The following PTPRM variants were observed in gnomAD, a reference collection of about 807,000 sequenced individuals.
The protein encoded by PTPRM is receptor-type tyrosine-protein phosphatase mu.
In PTPRM, 47 loss-of-function variants were observed where a neutral mutation model predicts 186.7. The ratio of observed to expected loss-of-function variants is 0.25; its 90% CI spans 0.20 to 0.32. PTPRM has a LOEUF of 0.32. PTPRM is among the 10% of genes least tolerant of loss of function. PTPRM has a pLI of 1.00. For missense variants in PTPRM, 1,494 were observed against 1,865.0 expected (o/e 0.80, Z 3.66); for synonymous variants, 668 against 674.9 (o/e 0.99, Z 0.16).
Position 8,079,480 on chromosome 18 carries a change from A to G in PTPRM, c.1551+2916A>G, listed in dbSNP as rs374802641. Among the ~76,000 whole-genome samples, 3 of 152,222 alleles carry G rather than the reference A, an allele frequency of 2.0e-5. No individual in the cohort carries two copies. In the East Asian group the frequency reaches 5.8e-4, roughly 29 times the overall value. ...TTACTTTTCAAATGTAACTACTATT[A>G]ACAGCTAGATACACATCCTTCTAAA... On this transcript the variant is annotated intron_variant, in intron 9 of 32. Transcript: ENST00000580170.
At chr18:8,235,449 G>C (rs1295959622) in intron 14 of PTPRM, among the ~76,000 whole-genome samples, 1 of 124,862 alleles carries the variant, frequency 8.0e-6, no homozygotes, top group Non-Finnish European at 1.6e-5. Context: ...TGAGTAATCT[G>C]TGTCTTCTTT....
At chr18:7,984,939 AT>A (rs2082801243) in intron 7 of PTPRM, among the ~76,000 whole-genome samples, 1 of 45,472 alleles carries the variant, frequency 2.2e-5, no homozygotes, top group Non-Finnish European at 4.9e-5. Flanking sequence ...AAATATATAC[AT>A]ATATATACAT....
At chr18:8,293,619 G>C (rs571095703) in intron 19 of PTPRM, among the ~76,000 whole-genome samples, 2 of 152,272 alleles carry the variant, frequency 1.3e-5, no homozygotes, top group Non-Finnish European at 2.9e-5. Flanking sequence ...ACTCAAAGTG[G>C]AATTAAATTT....
At chr18:8,344,692 T>G (rs1213340623) in intron 23 of PTPRM, among the ~76,000 whole-genome samples, 2 of 151,710 alleles carry the variant, frequency 1.3e-5, no homozygotes, top group Non-Finnish European at 2.9e-5. Context: ...AGCGCTTGCA[T>G]GCACCCTTAG....
intron 1 of PTPRM, among the ~76,000 whole-genome samples, chr18:7,579,243 G>T (rs1004652327): frequency 5.9e-5 from 9 of 152,192 alleles, no homozygotes; most frequent in African/African-American, 2.2e-4. Context: ...ACAGTCACCT[G>T]AAGCACTTGT....
intron 7 of PTPRM, among the ~76,000 whole-genome samples, chr18:8,032,160 T>C (rs1182881759): frequency 6.6e-6 from 1 of 152,204 alleles, no homozygotes; most frequent in Admixed American, 6.5e-5. Flanking sequence ...AAGTAACATA[T>C]GTAAAAACCA....
intron 7 of PTPRM, among the ~76,000 whole-genome samples, chr18:8,024,105 A>G (rs1488489830): frequency 6.6e-6 from 1 of 152,014 alleles, no homozygotes; most frequent in Non-Finnish European, 1.5e-5. Context: ...AGGAAATCTC[A>G]CATTGGTCTG....
At chr18:7,794,551 C>T (rs1186852291) in intron 2 of PTPRM, among the ~76,000 whole-genome samples, 1 of 152,130 alleles carries the variant, frequency 6.6e-6, no homozygotes, top group Non-Finnish European at 1.5e-5. Context: ...ATTAGACTTT[C>T]CACATTATCT....
chr18:7,867,858 A>G (rs2047790226), intron 2 of PTPRM, among the ~76,000 whole-genome samples: 1 of 151,956 alleles, frequency 6.6e-6, no homozygotes, highest in Non-Finnish European at 1.5e-5. Context: ...TCTTCTTTTC[A>G]CATAGTCCTA....
At chr18:7,578,570 C>T (rs999586979) in intron 1 of PTPRM, among the ~76,000 whole-genome samples, 2 of 151,762 alleles carry the variant, frequency 1.3e-5, no homozygotes, top group African/African-American at 2.4e-5. Flanking sequence ...CTCCTGACCT[C>T]GTGATCCGCC....
rs1168751760 is a variant in PTPRM, at chr18:7,869,953, T to A, written c.197-18153T>A. Among the ~76,000 whole-genome samples, 14 of 152,310 alleles carry A rather than the reference T, an allele frequency of 9.2e-5. No individual in the cohort carries two copies. The East Asian group carries it at 2.7e-3, about 29-fold the overall frequency. ...CCCTTAGGCTAGAGATTGGGCCATA[T>A]GCAAGTTAATCTTTGTAATCTTATG... is the stretch of plus-strand genomic sequence containing the variant. On this transcript the variant is annotated intron_variant, in intron 2 of 32. Coordinates refer to ENST00000580170, the MANE Select transcript of PTPRM (RefSeq NM_001105244.2).
At chr18:7,954,150 A>T (rs1397014528) in intron 6 of PTPRM, among the ~76,000 whole-genome samples, 1 of 152,232 alleles carries the variant, frequency 6.6e-6, no homozygotes, top group Non-Finnish European at 1.5e-5. Flanking sequence ...CGGGCATCTA[A>T]CTAATATACT....
intron 1 of PTPRM, among the ~76,000 whole-genome samples, chr18:7,661,691 G>A (rs1440243203): frequency 6.6e-6 from 1 of 152,178 alleles, no homozygotes; most frequent in Non-Finnish European, 1.5e-5. Flanking sequence ...CTACAAACAT[G>A]CAACTCCTGC....
At chr18:8,105,021 AC>A (rs1210031578) in intron 11 of PTPRM, among the ~76,000 whole-genome samples, 3 of 152,188 alleles carry the variant, frequency 2.0e-5, no homozygotes, top group Non-Finnish European at 2.9e-5. Flanking sequence ...GGCTAAATGC[AC>A]TTTTGTCACA....
chr18:7,841,564 G>A (rs9946064), intron 2 of PTPRM, among the ~76,000 whole-genome samples: 8,225 of 152,088 alleles, frequency 0.054, 516 homozygotes, highest in African/African-American at 0.15. Context: ...AAAGTGCTGG[G>A]ATTACAGGCG....
chr18:7,961,041 C>A (rs546144099), intron 7 of PTPRM, among the ~76,000 whole-genome samples: 1 of 152,058 alleles, frequency 6.6e-6, no homozygotes, highest in South Asian at 2.1e-4. Context: ...ATGAGGTACA[C>A]GAAATATTTT....
intron 3 of PTPRM, among the ~76,000 whole-genome samples, chr18:7,898,123 C>G (rs944746581): frequency 3.9e-5 from 6 of 152,132 alleles, no homozygotes; most frequent in African/African-American, 1.4e-4. Flanking sequence ...TGCCTGGACT[C>G]TTTAATATTA....
intron 2 of PTPRM, among the ~76,000 whole-genome samples, chr18:7,829,802 G>T (rs1396478116): frequency 1.2e-4 from 18 of 152,232 alleles, no homozygotes; most frequent in Non-Finnish European, 1.8e-4. Flanking sequence ...GAGTCCTCCT[G>T]TGTTGGGAAT....
At chr18:7,615,351 A>C (rs962253681) in intron 1 of PTPRM, among the ~76,000 whole-genome samples, 1 of 152,144 alleles carries the variant, frequency 6.6e-6, no homozygotes, top group Admixed American at 6.6e-5. Flanking sequence ...TTTTGCATAC[A>C]CACATGGAAG....
Sources: gnomAD v4.1 joint callset for allele counts (sites outside exome capture counted in the v4.1 genomes callset) on GRCh38, gnomAD v4.1.1 for gene constraint, MANE v1.5 for transcripts, NCBI Gene and HGNC (gene_info 2026-07-23, HGNC 2026-07-21) for gene names.